NELL2: variants seen among roughly 807,000 people sequenced by gnomAD.
NELL2 encodes protein kinase C-binding protein NELL2.
A neutral mutation model predicts 109.6 loss-of-function variants in NELL2; 41 were observed. That is an observed-to-expected ratio of 0.37 (90% CI 0.29 to 0.49). The LOEUF (loss-of-function observed/expected upper bound fraction) is 0.49. NELL2 is among the 20% of genes least tolerant of loss of function. The probability of loss-of-function intolerance (pLI) is 0.98; values close to 1 mark genes in which losing one functional copy is unlikely to be tolerated. For missense variants in NELL2, 900 were observed against 1,008.3 expected, an observed-to-expected ratio of 0.89 and a Z score of 1.45; for synonymous variants, 355 against 344.7, an observed-to-expected ratio of 1.03 and a Z score of -0.33.
chr12:44,788,448 T>C (rs1258041645), intron 3 of NELL2, among the ~76,000 whole-genome samples: 2 of 152,132 alleles, frequency 1.3e-5, no homozygotes, highest in Non-Finnish European at 2.9e-5. Context: ...TACCTAGAGC[T>C]GAGTCAATCT....
intron 13 of NELL2, among the ~76,000 whole-genome samples, chr12:44,630,436 G>T (rs1488605320): frequency 6.6e-6 from 1 of 152,136 alleles, no homozygotes; most frequent in Non-Finnish European, 1.5e-5. Context: ...AAGTTAAGAA[G>T]CTCTGAATTG....
chr12:44,657,734 G>A (rs1435756176), intron 13 of NELL2, among the ~76,000 whole-genome samples: 6 of 152,114 alleles, frequency 3.9e-5, no homozygotes, highest in Non-Finnish European at 8.8e-5. Context: ...GCAGTGTTTG[G>A]TTTTCTGTTC....
intron 12 of NELL2, among the ~76,000 whole-genome samples, chr12:44,674,975 A>G (rs1206512822): frequency 6.6e-6 from 1 of 152,192 alleles, no homozygotes; most frequent in African/African-American, 2.4e-5. Flanking sequence ...CCCTGAATAA[A>G]TATCTGTTGA....
chr12:44,792,001 A>G (rs1942454538), intron 3 of NELL2, among the ~76,000 whole-genome samples: 2 of 152,084 alleles, frequency 1.3e-5, no homozygotes. Flanking sequence ...ACAGCAAAGG[A>G]AACCAGTGTG....
At chr12:44,649,337 C>T (rs948285694) in intron 13 of NELL2, among the ~76,000 whole-genome samples, 2 of 152,100 alleles carry the variant, frequency 1.3e-5, no homozygotes, top group African/African-American at 2.4e-5. Flanking sequence ...GGCAGGGTGC[C>T]CCTACCACTA....
chr12:44,903,472 CAG>C (rs1250643317), intron 1 of NELL2, among the ~76,000 whole-genome samples: 1 of 152,120 alleles, frequency 6.6e-6, no homozygotes, highest in Non-Finnish European at 1.5e-5. Flanking sequence ...TTGTGGAAAA[CAG>C]TGTAGCGATT....
chr12:44,700,178 C>G (rs605722), intron 12 of NELL2, among the ~76,000 whole-genome samples: 54,985 of 151,972 alleles, frequency 0.36, 12,044 homozygotes, highest in Non-Finnish European at 0.49. Context: ...TCTACTACCA[C>G]CAATTAATCA....
At chr12:44,909,742 G>GACAC (rs71435995) in intron 1 of NELL2, among the ~76,000 whole-genome samples, 4,824 of 144,500 alleles carry the variant, frequency 0.033, 218 homozygotes, top group African/African-American at 0.11. Flanking sequence ...CACAGACACA[G>GACAC]ACACACACAC....
chr12:44,641,689 CT>C (rs71093817), intron 13 of NELL2, among the ~76,000 whole-genome samples: 302 of 80,622 alleles, frequency 3.7e-3, no homozygotes, highest in East Asian at 0.022. Context: ...CTAGTTTCTC[CT>C]TTTTTTTTTT....
At chr12:44,895,686 C>T (rs1945584956) in intron 1 of NELL2, among the ~76,000 whole-genome samples, 1 of 151,994 alleles carries the variant, frequency 6.6e-6, no homozygotes, top group Admixed American at 6.6e-5. Context: ...TTTGTTGAGG[C>T]TTTTTTTCCT....
At chr12:44,622,130 C>T (rs894802673) in intron 13 of NELL2, among the ~76,000 whole-genome samples, 6 of 152,140 alleles carry the variant, frequency 3.9e-5, no homozygotes, top group African/African-American at 1.2e-4. Flanking sequence ...CCAACAGATA[C>T]AAAATCAACA....
chr12:44,816,595 C>T (rs1380301208), intron 2 of NELL2, among the ~76,000 whole-genome samples: 1 of 152,172 alleles, frequency 6.6e-6, no homozygotes. Context: ...ATGTGCCACC[C>T]TCCACATTGG....
rs1235041085 is a variant in NELL2 at position 44,545,221 on chromosome 12, A to G, written c.1664-12500T>C. Among the ~76,000 whole-genome samples, 3 of 152,082 alleles carry G rather than the reference A, an allele frequency of 2.0e-5. No homozygotes were observed. In the East Asian group the frequency reaches 5.8e-4, roughly 29 times the overall value. On this transcript the variant is annotated intron_variant, in intron 15 of 19. Transcript: ENST00000429094. The stretch of plus-strand genomic sequence containing the variant: ...GGAAACTCCTTAAGACTTTTCAAAA[A>G]TCTTTGCAGTTTCTATTCCTTTCAC...
chr12:44,896,309 T>C (rs1048678126), intron 1 of NELL2, among the ~76,000 whole-genome samples: 3 of 152,162 alleles, frequency 2.0e-5, no homozygotes, highest in Non-Finnish European at 2.9e-5. Context: ...TATATTTTAG[T>C]TCAAGATATC....
At chr12:44,875,509 G>T (rs1222112063) in intron 1 of NELL2, 156 bp from the exon 2 acceptor site, 2 of 1,613,850 alleles carry the variant, frequency 1.2e-6, no homozygotes, top group African/African-American at 2.7e-5. Context: ...AGCCTTACCT[G>T]AGATCAGCAG....
chr12:44,793,731 C>T (rs188587178), intron 3 of NELL2, among the ~76,000 whole-genome samples: 2,454 of 152,228 alleles, frequency 0.016, 73 homozygotes, highest in African/African-American at 0.056. Flanking sequence ...ATATAAAAGA[C>T]GTGTACCTGA....
At chr12:44,564,887 C>T (rs902610161) in intron 15 of NELL2, among the ~76,000 whole-genome samples, 5 of 152,188 alleles carry the variant, frequency 3.3e-5, no homozygotes. Flanking sequence ...CCTCTATCAA[C>T]CCATGCACAT....
chr12:44,694,519 A>AC (rs1371417625), intron 12 of NELL2, among the ~76,000 whole-genome samples: 89 of 134,844 alleles, frequency 6.6e-4, no homozygotes, highest in African/African-American at 1.9e-3. Flanking sequence ...ACACACATAC[A>AC]AACACACACA....
chr12:44,659,451 A>G (rs1947656053), intron 13 of NELL2, among the ~76,000 whole-genome samples: 1 of 152,232 alleles, frequency 6.6e-6, no homozygotes, highest in Admixed American at 6.5e-5. Flanking sequence ...CATCCATCTG[A>G]TAAAAAGGTA....
Sources: gnomAD v4.1 joint callset for allele counts (sites outside exome capture counted in the v4.1 genomes callset) on GRCh38, gnomAD v4.1.1 for gene constraint, MANE v1.5 for transcripts, NCBI Gene and HGNC (gene_info 2026-07-23, HGNC 2026-07-21) for gene names.